The following TRPC6 variants were observed in gnomAD, a reference collection of about 807,000 sequenced individuals.
TRPC6 encodes the protein short transient receptor potential channel 6.
A neutral mutation model predicts 90.7 loss-of-function variants in TRPC6; 55 were observed. That is an observed-to-expected ratio of 0.61 (90% CI 0.49 to 0.76). The LOEUF is 0.76. Ranked by LOEUF, TRPC6 falls within the 30% of genes least tolerant of loss-of-function variation. The pLI is 0.00. For missense variants in TRPC6, 989 were observed against 1,122.7 expected (o/e 0.88, Z 1.70); for synonymous variants, 393 against 393.0 (o/e 1.00, Z 0.00).
At chr11:101,519,352 T>TA (rs1278532008) in intron 1 of TRPC6, among the ~76,000 whole-genome samples, 2 of 152,100 alleles carry the variant, frequency 1.3e-5, no homozygotes, top group Non-Finnish European at 2.9e-5. Flanking sequence ...AAAATAATTT[T>TA]AAAAAATCAA....
At chr11:101,517,112 G>T (rs1254730621) in intron 1 of TRPC6, among the ~76,000 whole-genome samples, 3 of 152,220 alleles carry the variant, frequency 2.0e-5, no homozygotes, top group African/African-American at 7.2e-5. Context: ...TCCATTTGCA[G>T]CTGTATTCAG....
intron 1 of TRPC6, among the ~76,000 whole-genome samples, chr11:101,524,205 C>G (rs191057551): frequency 2.2e-4 from 34 of 152,286 alleles, no homozygotes; most frequent in Admixed American, 9.8e-4. Context: ...AGTGAATTTA[C>G]CAACAAATGG....
In TRPC6 at chr11:101,453,128, G is replaced by GTC. The variant is rs769380475; in HGVS notation, c.2645-23_2645-22insGA. 5.1e-5 allele frequency: 48 copies of GTC among 949,550 alleles called. 1 individual carries two copies. The African/African-American group carries it at 2.7e-3, about 54-fold the overall frequency. The allele number at this position is 949,550 out of a possible 1,614,324, so 58.8% of individuals were successfully genotyped here. On this transcript the variant is annotated intron_variant, in intron 12 of 12. Coordinates refer to ENST00000344327, the MANE Select transcript of TRPC6 (RefSeq NM_004621.6). Reference sequence around the variant, plus strand: ...TCCCCTTTGAAAGCAAGAGTGATAAGAAGTCAACTATAAATACGCAATGCG... The same window carrying GTC: ...TCCCCTTTGAAAGCAAGAGTGATAAGTCAAGTCAACTATAAATACGCAATGCG...
At chr11:101,537,242 C>G (rs543204075) in intron 1 of TRPC6, among the ~76,000 whole-genome samples, 16 of 152,106 alleles carry the variant, frequency 1.1e-4, no homozygotes, top group African/African-American at 3.6e-4. Context: ...TTCAACTACA[C>G]CAAGAATCCT....
chr11:101,559,330 C>T (rs1414145291), intron 1 of TRPC6, among the ~76,000 whole-genome samples: 2 of 152,140 alleles, frequency 1.3e-5, no homozygotes, highest in Non-Finnish European at 2.9e-5. Flanking sequence ...ATTCATAAAT[C>T]ATAACAATAC....
intron 1 of TRPC6, among the ~76,000 whole-genome samples, chr11:101,560,931 C>T (rs1861697887): frequency 6.6e-6 from 1 of 152,122 alleles, no homozygotes; most frequent in African/African-American, 2.4e-5. Context: ...ACCTGAACTA[C>T]CCACAATAGG....
In TRPC6 at chr11:101,574,192, T is replaced by A. The variant is rs906313029; in HGVS notation, c.170+9142A>T. Reference sequence around the variant, plus strand: ...CACAGAGCACAATCCTGTGGAAAAATATGGGCACTGAAGCTTCTGAGTTGA... The same window carrying A: ...CACAGAGCACAATCCTGTGGAAAAAAATGGGCACTGAAGCTTCTGAGTTGA... On this transcript the variant is annotated intron_variant, in intron 1 of 12. Transcript: ENST00000344327. 7.3e-5 allele frequency among the ~76,000 whole-genome samples: 11 copies of A among 150,852 alleles called. 1 individual carries two copies. Among genetic ancestry groups the A allele is most frequent in the African/African-American group, 2.7e-4 (11 of 40,516 alleles).
intron 2 of TRPC6, among the ~76,000 whole-genome samples, chr11:101,502,318 A>T (rs1860148401): frequency 6.6e-6 from 1 of 152,192 alleles, no homozygotes; most frequent in Non-Finnish European, 1.5e-5. Flanking sequence ...CTACACACAG[A>T]TCTTTTCTAT....
intron 1 of TRPC6, 103 bp downstream of exon 1, chr11:101,583,231 C>T: frequency 6.8e-7 from 1 of 1,479,018 alleles, no homozygotes. Flanking sequence ...GAGGTACACA[C>T]GCGGGTTCAG....
intron 3 of TRPC6, among the ~76,000 whole-genome samples, chr11:101,490,482 G>A (rs1275194086): frequency 6.6e-6 from 1 of 152,134 alleles, no homozygotes; most frequent in Non-Finnish European, 1.5e-5. Context: ...TTTTGAGACA[G>A]AGTCTCACTC....
chr11:101,499,936 TAC>T (rs1860065422), intron 2 of TRPC6, among the ~76,000 whole-genome samples: 1 of 112,680 alleles, frequency 8.9e-6, no homozygotes, highest in Admixed American at 9.1e-5. Context: ...TGTATATATA[TAC>T]ACAGTATAAA....
At chr11:101,558,162 C>T (rs953397001) in intron 1 of TRPC6, among the ~76,000 whole-genome samples, 2 of 147,328 alleles carry the variant, frequency 1.4e-5, no homozygotes, top group East Asian at 2.1e-4. Flanking sequence ...CTGGCAAATA[C>T]ACAAACACAC....
intron 10 of TRPC6, among the ~76,000 whole-genome samples, chr11:101,465,540 T>A (rs2136658061): frequency 6.6e-6 from 1 of 152,328 alleles, no homozygotes; most frequent in South Asian, 2.1e-4. Flanking sequence ...AGTAAGTTGA[T>A]CTTCAATCTC....
At chr11:101,555,417 G>T (rs2136850983) in intron 1 of TRPC6, among the ~76,000 whole-genome samples, 1 of 152,192 alleles carries the variant, frequency 6.6e-6, no homozygotes. Context: ...AAGGGTCCTG[G>T]GTACTCAATG....
rs1565238604 is a variant in TRPC6, at chr11:101,548,363, C to CAATATATAATTATATAATTATATT, written c.170+34970_170+34971insAATATAATTATATAATTATATATT. 1.2e-3 allele frequency among the ~76,000 whole-genome samples: 155 copies of CAATATATAATTATATAATTATATT among 124,260 alleles called. 3 individuals are homozygous for CAATATATAATTATATAATTATATT. The highest frequency in any genetic ancestry group is 4.2e-3 in the African/African-American group (150 of 36,032). The allele number at this position is 124,260 out of a possible 152,430, so 81.5% of individuals were successfully genotyped here. ...ACAATATATAATTATATAATTATAT[C>CAATATATAATTATATAATTATATT]TTATAATTATAATATATAAATATAT... On this transcript the variant is annotated intron_variant, in intron 1 of 12. Transcript: ENST00000344327.
rs199866910 is a variant in TRPC6, at chr11:101,535,175, A to AAAGGAAGGAAGG, written c.171-30389_171-30378dup. Among the ~76,000 whole-genome samples, 243 of 129,592 alleles carry AAAGGAAGGAAGG rather than the reference A, an allele frequency of 1.9e-3. 2 individuals are homozygous for AAAGGAAGGAAGG. The highest frequency in any genetic ancestry group is 6.0e-3 in the African/African-American group (215 of 35,862). The allele number at this position is 129,592 out of a possible 152,430, so 85.0% of individuals were successfully genotyped here. On this transcript the variant is annotated intron_variant, in intron 1 of 12. Transcript: ENST00000344327. ...AGCAAGATTCTGTCAGAAAGAAAAGAAAGGAAGGAAGGAAGGAAGGAAGGA... is the reference window on the plus strand; with the variant it reads ...AGCAAGATTCTGTCAGAAAGAAAAGAAAGGAAGGAAGGAAGGAAGGAAGGAAGGAAGGAAGGA...
At chr11:101,470,052 T>C (rs1367931632) in intron 9 of TRPC6, among the ~76,000 whole-genome samples, 1 of 152,190 alleles carries the variant, frequency 6.6e-6, no homozygotes, top group Non-Finnish European at 1.5e-5. Context: ...GATAGAATCT[T>C]ATTGCAAGGA....
chr11:101,504,444 C>T lies in TRPC6; in HGVS notation c.525G>A (p.Arg175=), dbSNP rs1039479012. Residue 175 remains arginine (R), a synonymous_variant, in exon 2 of 13, where the codon CGG becomes CGA. Transcript: ENST00000344327. ...GATGACTGAGAATTGCTTCCACAAT[C>T]CGAACATAACCTTTACTAATAGCTA... ...LLLAISKGYV[R]IVEAILSHPA... The T allele has an allele frequency of 6.2e-7, 1 of 1,613,996 alleles. No homozygotes were observed. Among genetic ancestry groups the T allele is most frequent in the African/African-American group, 1.3e-5 (1 of 74,916 alleles).
At chr11:101,564,496 T>C (rs1377996676) in intron 1 of TRPC6, among the ~76,000 whole-genome samples, 1 of 152,166 alleles carries the variant, frequency 6.6e-6, no homozygotes, top group Non-Finnish European at 1.5e-5. Context: ...TACATGCTTA[T>C]AGAAGCAGCA....
Sources: gnomAD v4.1 joint callset for allele counts (sites outside exome capture counted in the v4.1 genomes callset) on GRCh38, gnomAD v4.1.1 for gene constraint, MANE v1.5 for transcripts, NCBI Gene and HGNC (gene_info 2026-07-23, HGNC 2026-07-21) for gene names.